Variants in STK31 observed in about 807,000 individuals in gnomAD.
STK31 encodes serine/threonine kinase 31, also known as serine/threonine-protein kinase 31.
Under a neutral mutation model 129.7 loss-of-function variants are expected in STK31, and 89 were observed. The ratio of observed to expected loss-of-function variants is 0.69; its 90% CI spans 0.58 to 0.82. STK31 has a LOEUF of 0.82. Among genes scored for constraint, STK31 ranks in the 40% least tolerant of loss-of-function variants. The pLI, the probability that STK31 is intolerant of heterozygous loss-of-function variation, is 0.00. For synonymous variants in STK31, 448 were observed against 395.3 expected (o/e 1.13, Z -1.58); for missense variants, 1,187 against 1,176.4 (o/e 1.01, Z -0.13).
At chr7:23,825,640 G>A (rs1170718967) in intron 23 of STK31, among the ~76,000 whole-genome samples, 1 of 152,136 alleles carries the variant, frequency 6.6e-6, no homozygotes, top group East Asian at 1.9e-4. Context: ...CCTTCTGCTA[G>A]CTTTTGAAGG....
At chr7:23,786,815 A>G (rs754028013) in intron 19 of STK31, 23 bp from the exon 20 acceptor site, 34 of 1,598,768 alleles carry the variant, frequency 2.1e-5, no homozygotes, top group Non-Finnish European at 2.6e-5. Context: ...ACTTGGAGTC[A>G]CATTCTCTGT....
chr7:23,750,146 G>C (rs1348756256), intron 8 of STK31, among the ~76,000 whole-genome samples: 1 of 145,202 alleles, frequency 6.9e-6, no homozygotes, highest in East Asian at 2.0e-4. Context: ...GTGAGAACCT[G>C]ATCTAGCTCC....
rs546556727 is a variant in STK31 at position 23,832,014 on chromosome 7, G to A, written c.2830-122G>A. ...TGTTGAGGGGAGTACCAGATACCTCGTCAGTCATCTTGAAACCCCTCCTTC... is the reference window on the plus strand; with the variant it reads ...TGTTGAGGGGAGTACCAGATACCTCATCAGTCATCTTGAAACCCCTCCTTC... On this transcript the variant is annotated intron_variant, in intron 23 of 23. Coordinates refer to ENST00000355870, the MANE Select transcript of STK31 (RefSeq NM_031414.5). The A allele has an allele frequency of 2.5e-4, 167 of 663,782 alleles. 2 individuals carry two copies. In the South Asian group the frequency reaches 2.7e-3, roughly 11 times the overall value. The allele number at this position is 663,782 out of a possible 1,614,324, so 41.1% of individuals were successfully genotyped here.
intron 11 of STK31, 104 bp from the exon 12 acceptor site, chr7:23,768,891 T>C: frequency 1.1e-6 from 1 of 922,696 alleles, no homozygotes; most frequent in East Asian, 2.8e-5. Context: ...TTCTCAAGAA[T>C]GGGGATTCAG....
intron 4 of STK31, among the ~76,000 whole-genome samples, chr7:23,718,451 A>G (rs1354899311): frequency 1.3e-5 from 2 of 152,128 alleles, no homozygotes; most frequent in Non-Finnish European, 2.9e-5. Context: ...CCAGATCAAC[A>G]TATGGTTCTA....
chr7:23,756,336 A>C (rs1234789374), intron 10 of STK31, among the ~76,000 whole-genome samples: 1 of 152,096 alleles, frequency 6.6e-6, no homozygotes, highest in African/African-American at 2.4e-5. Flanking sequence ...TGATTTTTGC[A>C]CATTTATTTT....
chr7:23,744,693 T>C (rs1011541440), intron 8 of STK31, among the ~76,000 whole-genome samples: 2 of 152,204 alleles, frequency 1.3e-5, no homozygotes, highest in African/African-American at 2.4e-5. Flanking sequence ...AGTCTTTGTA[T>C]GATTCCTTTG....
intron 5 of STK31, among the ~76,000 whole-genome samples, chr7:23,727,970 G>T (rs765002789): frequency 6.6e-6 from 1 of 151,008 alleles, no homozygotes; most frequent in Non-Finnish European, 1.5e-5. Flanking sequence ...CTGAAGTTAG[G>T]TATATCTTTT....
intron 4 of STK31, among the ~76,000 whole-genome samples, chr7:23,719,999 C>T (rs1786594240): frequency 1.3e-5 from 2 of 152,036 alleles, no homozygotes; most frequent in South Asian, 4.1e-4. Context: ...TTACATTGTA[C>T]ACCTTCTTAA....
intron 10 of STK31, among the ~76,000 whole-genome samples, 164 bp from the exon 11 acceptor site, chr7:23,762,636 AG>A (rs1415223877): frequency 5.7e-4 from 87 of 152,340 alleles, no homozygotes; most frequent in African/African-American, 2.0e-3. Flanking sequence ...ATTAAGAGAA[AG>A]GAAGTTTTTT....
At chr7:23,830,172 A>G (rs996854793) in intron 23 of STK31, among the ~76,000 whole-genome samples, 2 of 151,770 alleles carry the variant, frequency 1.3e-5, no homozygotes, top group African/African-American at 2.4e-5. Context: ...TTCATTTCTG[A>G]TTGTGTTTAT....
chr7:23,779,900 C>T (rs1377117480), intron 15 of STK31, among the ~76,000 whole-genome samples: 1 of 152,200 alleles, frequency 6.6e-6, no homozygotes, highest in African/African-American at 2.4e-5. Context: ...AATATTCCAG[C>T]AGCTAGCTCG....
chr7:23,818,534 C>T (rs969453499), intron 23 of STK31, among the ~76,000 whole-genome samples: 5 of 152,010 alleles, frequency 3.3e-5, no homozygotes, highest in African/African-American at 1.2e-4. Flanking sequence ...ATCCCAGTGC[C>T]TCACTCATTT....
intron 22 of STK31, among the ~76,000 whole-genome samples, chr7:23,798,295 A>G (rs1792127935): frequency 6.6e-6 from 1 of 152,024 alleles, no homozygotes. Flanking sequence ...GAGACACAAC[A>G]AAAAAAGAAA....
rs779606503 is a variant in STK31, at chr7:23,786,941, A to G, written c.2487+17A>G. The G allele has an allele frequency of 3.1e-6, 5 of 1,600,944 alleles. No homozygotes were observed. Among genetic ancestry groups the G allele is most frequent in the Admixed American group, 1.7e-5 (1 of 59,546 alleles). On this transcript the variant is annotated intron_variant, in intron 20 of 23. Transcript: ENST00000355870. ...AATTCAGAAGTAAGTAAAAAGCACT[A>G]TTTATTTCCATGGATGTATTAAATG... is the stretch of plus-strand genomic sequence containing the variant.
intron 21 of STK31, among the ~76,000 whole-genome samples, chr7:23,789,117 T>C (rs1027200793): frequency 2.0e-5 from 3 of 152,180 alleles, no homozygotes; most frequent in Non-Finnish European, 4.4e-5. Flanking sequence ...TCCACGTTAT[T>C]GACTGTATCA....
At chr7:23,761,788 T>C (rs185095398) in intron 10 of STK31, among the ~76,000 whole-genome samples, 50 of 150,808 alleles carry the variant, frequency 3.3e-4, no homozygotes, top group African/African-American at 1.2e-3. Context: ...AATAATCTGG[T>C]TGAGCTTATG....
intron 18 of STK31, among the ~76,000 whole-genome samples, chr7:23,785,918 A>C (rs373492778): frequency 1.3e-5 from 2 of 152,120 alleles, no homozygotes; most frequent in African/African-American, 4.8e-5. Context: ...GGGTGCAGCA[A>C]ACCAACATGG....
chr7:23,740,731 T>G (rs2065445530), intron 8 of STK31, among the ~76,000 whole-genome samples: 1 of 152,050 alleles, frequency 6.6e-6, no homozygotes, highest in Non-Finnish European at 1.5e-5. Context: ...CACCTATGAG[T>G]GAGAACATGC....
Sources: gnomAD v4.1 joint callset for allele counts (sites outside exome capture counted in the v4.1 genomes callset) on GRCh38, gnomAD v4.1.1 for gene constraint, MANE v1.5 for transcripts, NCBI Gene and HGNC (gene_info 2026-07-23, HGNC 2026-07-21) for gene names.